KCND2: variants seen among roughly 807,000 people sequenced by gnomAD.
KCND2 encodes potassium voltage-gated channel subfamily D member 2.
Under a neutral mutation model 54.4 loss-of-function variants are expected in KCND2, and 16 were observed. The ratio of observed to expected loss-of-function variants is 0.29; its 90% CI spans 0.20 to 0.45. The LOEUF (loss-of-function observed/expected upper bound fraction) is 0.45. Ranked by LOEUF, KCND2 falls within the 20% of genes least tolerant of loss-of-function variation. The pLI is 1.00. For missense variants in KCND2, 486 were observed against 824.2 expected (o/e 0.59, Z 5.02); for synonymous variants, 317 against 310.7 (o/e 1.02, Z -0.21).
At chr7:120,518,941 A>G (rs1010639806) in intron 1 of KCND2, among the ~76,000 whole-genome samples, 1 of 152,158 alleles carries the variant, frequency 6.6e-6, no homozygotes. Context: ...TGAAGAAGAG[A>G]GGAAACAGAG....
chr7:120,335,356 A>C (rs1380200541), intron 1 of KCND2, among the ~76,000 whole-genome samples: 1 of 14,468 alleles, frequency 6.9e-5, no homozygotes, highest in Non-Finnish European at 9.5e-4. Context: ...AGACTCTATC[A>C]AAAAAAAAAA....
chr7:120,298,270 A>G (rs926900008), intron 1 of KCND2, among the ~76,000 whole-genome samples: 1 of 152,144 alleles, frequency 6.6e-6, no homozygotes, highest in Non-Finnish European at 1.5e-5. Flanking sequence ...TCCTTAGCTA[A>G]TTTTATGGTA....
chr7:120,645,630 G>T (rs1257723745), intron 1 of KCND2, among the ~76,000 whole-genome samples: 1 of 152,074 alleles, frequency 6.6e-6, no homozygotes, highest in Non-Finnish European at 1.5e-5. Flanking sequence ...ATGACAATTG[G>T]CATGCTAATT....
At position 120,510,763 on chromosome 7, in the gene KCND2, C is replaced by T. The variant is rs182214412; in HGVS notation, c.1116-222140C>T. On this transcript the variant is annotated intron_variant, in intron 1 of 5. Transcript: ENST00000331113. ...TGTCAGGCATAACATTCACCAATTA[C>T]GAATTTAGCCTTCCTAATCAGTTTT... Among the ~76,000 whole-genome samples, 86 of 152,086 alleles carry T rather than the reference C, an allele frequency of 5.7e-4. 1 individual carries two copies. The East Asian group carries it at 9.3e-3, about 16-fold the overall frequency.
intron 1 of KCND2, among the ~76,000 whole-genome samples, chr7:120,471,060 A>C (rs558781943): frequency 6.6e-6 from 1 of 152,222 alleles, no homozygotes; most frequent in East Asian, 1.9e-4. Context: ...GTTGGTTAAT[A>C]TGCTGATAGA....
intron 1 of KCND2, among the ~76,000 whole-genome samples, chr7:120,355,272 G>A (rs1800484514): frequency 6.6e-6 from 1 of 152,184 alleles, no homozygotes; most frequent in Admixed American, 6.5e-5. Flanking sequence ...ATGAGGCCAG[G>A]TACAGTGGCT....
intron 1 of KCND2, among the ~76,000 whole-genome samples, chr7:120,496,323 A>T (rs1802846684): frequency 6.6e-6 from 1 of 152,130 alleles, no homozygotes; most frequent in Non-Finnish European, 1.5e-5. Context: ...AGTTGGAGTC[A>T]GATGAGAAGG....
intron 2 of KCND2, among the ~76,000 whole-genome samples, chr7:120,741,121 C>G (rs1162234109): frequency 6.6e-6 from 1 of 150,754 alleles, no homozygotes; most frequent in African/African-American, 2.4e-5. Context: ...TTTTTAAGGA[C>G]ATTAGTTTAA....
intron 1 of KCND2, among the ~76,000 whole-genome samples, chr7:120,556,894 A>G (rs1792172733): frequency 6.6e-6 from 1 of 152,170 alleles, no homozygotes; most frequent in Admixed American, 6.5e-5. Context: ...TCTCTCTAGT[A>G]TCTTCATTTC....
intron 1 of KCND2, among the ~76,000 whole-genome samples, chr7:120,437,197 T>A (rs1416174449): frequency 6.9e-6 from 1 of 144,934 alleles, no homozygotes; most frequent in Non-Finnish European, 1.5e-5. Context: ...AGACAATCAA[T>A]ATACAACTTT....
chr7:120,560,398 A>G (rs1418342015), intron 1 of KCND2, among the ~76,000 whole-genome samples: 1 of 152,302 alleles, frequency 6.6e-6, no homozygotes, highest in South Asian at 2.1e-4. Context: ...AAATCCTCCA[A>G]TGAAATAATC....
intron 1 of KCND2, among the ~76,000 whole-genome samples, chr7:120,416,623 AC>A (rs1801528674): frequency 6.6e-6 from 1 of 152,156 alleles, no homozygotes. Context: ...TGCTCTCACA[AC>A]CAGAGAAGAC....
intron 1 of KCND2, among the ~76,000 whole-genome samples, chr7:120,466,455 C>CT (rs1427961871): frequency 2.0e-5 from 3 of 152,072 alleles, no homozygotes; most frequent in Non-Finnish European, 2.9e-5. Flanking sequence ...AGCCAAGTGT[C>CT]TTTTTTTCTA....
At chr7:120,352,880 A>G (rs567485542) in intron 1 of KCND2, among the ~76,000 whole-genome samples, 172 of 152,236 alleles carry the variant, frequency 1.1e-3, no homozygotes, top group Admixed American at 2.4e-3. Flanking sequence ...TATATTTCAG[A>G]TATTGAAATA....
At chr7:120,284,189 A>G (rs1471061302) in intron 1 of KCND2, among the ~76,000 whole-genome samples, 1 of 152,094 alleles carries the variant, frequency 6.6e-6, no homozygotes, top group Admixed American at 6.5e-5. Flanking sequence ...CCATGAAGAC[A>G]TTTGCCCTCT....
chr7:120,371,897 T>G (rs193097940), intron 1 of KCND2, among the ~76,000 whole-genome samples: 20 of 152,006 alleles, frequency 1.3e-4, no homozygotes, highest in Admixed American at 1.2e-3. Context: ...ATGGCAAAAT[T>G]ACATAACAAC....
chr7:120,728,089 G>T (rs1457022132), intron 1 of KCND2, among the ~76,000 whole-genome samples: 1 of 142,336 alleles, frequency 7.0e-6, no homozygotes, highest in Non-Finnish European at 1.5e-5. Flanking sequence ...AGCCGAGATG[G>T]CACCACTGCA....
chr7:120,539,642 T>C (rs549613916), intron 1 of KCND2, among the ~76,000 whole-genome samples: 3 of 152,284 alleles, frequency 2.0e-5, no homozygotes, highest in Non-Finnish European at 2.9e-5. Flanking sequence ...AAAAAAGAAA[T>C]TTATTGTATA....
chr7:120,736,233 T>C (rs1584901507), intron 2 of KCND2, among the ~76,000 whole-genome samples: 1 of 152,096 alleles, frequency 6.6e-6, no homozygotes, highest in East Asian at 1.9e-4. Context: ...ACTTTCCTTC[T>C]TCTAGTTTCT....
Sources: gnomAD v4.1 joint callset for allele counts (sites outside exome capture counted in the v4.1 genomes callset) on GRCh38, gnomAD v4.1.1 for gene constraint, MANE v1.5 for transcripts, NCBI Gene and HGNC (gene_info 2026-07-23, HGNC 2026-07-21) for gene names.